Variants in SGK2 observed in about 807,000 individuals in gnomAD.
SGK2 encodes serine/threonine-protein kinase Sgk2.
In SGK2, 36 loss-of-function variants were observed where a neutral mutation model predicts 47.5. The observed-to-expected ratio is 0.76, with a 90% CI of 0.58 to 1.00. The LOEUF (loss-of-function observed/expected upper bound fraction) is 1.00. Ranked by LOEUF, SGK2 falls within the 50% of genes least tolerant of loss-of-function variation. The probability of loss-of-function intolerance (pLI) is 0.00; values close to 1 mark genes in which losing one functional copy is unlikely to be tolerated. For missense variants in SGK2, 404 were observed against 467.4 expected (o/e 0.86, Z 1.25); for synonymous variants, 157 against 181.9 (o/e 0.86, Z 1.10).
At position 43,568,030 on chromosome 20, in the gene SGK2, T is replaced by C. The variant is rs767117608; in HGVS notation, c.228+31T>C. 1.9e-6 allele frequency: 3 copies of C among 1,590,122 alleles called. No individual in the cohort carries two copies. The Admixed American group carries it at 5.0e-5, about 27-fold the overall frequency. ...AGAGCTCGGGCACAGGCATTTCTTC[T>C]TCTGCTTCTCAAGCCGCAGCCTAGG... On this transcript the variant is annotated intron_variant, in intron 5 of 12. Transcript: ENST00000373100.
In SGK2 at chr20:43,570,738, T is replaced by C; in HGVS notation, c.473+9T>C. ...CTCAACATCATTTACAGGTGAGGCC[T>C]GCCTGTGGCTCAGAGCCAGGACCAA... On this transcript the variant is annotated intron_variant, in intron 7 of 12. Coordinates refer to ENST00000373100, the MANE Select transcript of SGK2 (RefSeq NM_170693.3). 1.3e-6 allele frequency: 2 copies of C among 1,590,478 alleles called. No homozygotes were observed. The highest frequency in any genetic ancestry group is 1.1e-5 in the South Asian group (1 of 90,310).
Position 43,570,627 on chromosome 20 carries a change from A to C in SGK2, c.371A>C (p.His124Pro), listed in dbSNP as rs1600991607. The change falls in exon 7 of 13, where the codon CAC (histidine) becomes CCC (proline). Residue 124 changes from histidine (H) to proline (P), a missense_variant. Transcript: ENST00000373100. ...DYVNGGELFF[H>P]LQRERRFLEP... is the part of the protein sequence containing the mutation. ...CCTCCTCCCCTCCAGCTCTTCTTCC[A>C]CCTGCAGCGGGAGCGCCGGTTCCTG... is the stretch of plus-strand genomic sequence containing the variant. The C allele has an allele frequency of 6.2e-7, 1 of 1,606,460 alleles. No homozygotes were observed. The highest frequency in any genetic ancestry group is 8.5e-7 in the Non-Finnish European group (1 of 1,175,152).
At chr20:43,565,758 C>T (rs1335663354) in intron 1 of SGK2, 4 of 152,332 alleles carry the variant, frequency 2.6e-5, no homozygotes, top group Admixed American at 2.6e-4. Flanking sequence ...CCCCGTCTCC[C>T]CTGCAGGGTG....
chr20:43,577,347 CTTTT>C (rs924498448), intron 11 of SGK2, among the ~76,000 whole-genome samples: 9 of 122,118 alleles, frequency 7.4e-5, no homozygotes, highest in Non-Finnish European at 1.2e-4. Flanking sequence ...ACTGCATCTG[CTTTT>C]TTTTTTTTTT....
chr20:43,577,397 G>A (rs1372043550), intron 11 of SGK2, among the ~76,000 whole-genome samples: 1 of 149,074 alleles, frequency 6.7e-6, no homozygotes, highest in Non-Finnish European at 1.5e-5. Flanking sequence ...CTGTTGCCAG[G>A]CTGGAGTGCA....
At chr20:43,562,346 A>G (rs1053298189) in intron 1 of SGK2, among the ~76,000 whole-genome samples, 2 of 139,176 alleles carry the variant, frequency 1.4e-5, no homozygotes, top group Non-Finnish European at 3.1e-5. Flanking sequence ...TGAGCCAGGG[A>G]GGTAAAGATT....
intron 11 of SGK2, among the ~76,000 whole-genome samples, chr20:43,578,156 A>G (rs999400055): frequency 1.3e-5 from 2 of 152,190 alleles, no homozygotes; most frequent in African/African-American, 2.4e-5. Flanking sequence ...TTTTCTCACC[A>G]GGAGTTTGCT....
intron 1 of SGK2, 188 bp from the exon 2 acceptor site, chr20:43,566,285 G>C (rs1161738023): frequency 1.3e-6 from 2 of 1,523,452 alleles, no homozygotes; most frequent in Non-Finnish European, 1.8e-6. Flanking sequence ...AGGAAGTCTG[G>C]GTCCAGGGGA....
chr20:43,562,251 A>C (rs1212545633), intron 1 of SGK2, among the ~76,000 whole-genome samples: 2 of 148,010 alleles, frequency 1.4e-5, no homozygotes, highest in African/African-American at 2.5e-5. Flanking sequence ...CTGTCTCTAC[A>C]AAAAGTACAA....
At chr20:43,568,647 A>G (rs1306396250) in intron 5 of SGK2, among the ~76,000 whole-genome samples, 2 of 151,562 alleles carry the variant, frequency 1.3e-5, no homozygotes, top group East Asian at 1.9e-4. Flanking sequence ...ACTCCTGGCT[A>G]ATTTTTGTAT....
Position 43,566,462 on chromosome 20 carries a change from T to C in SGK2, c.-23-11T>C, listed in dbSNP as rs1979726339. 1.2e-6 allele frequency: 2 copies of C among 1,614,094 alleles called. No individual in the cohort carries two copies. Among genetic ancestry groups the C allele is most frequent in the Non-Finnish European group, 1.7e-6 (2 of 1,180,008 alleles). ...CAACTCTCTCATGCCTGCTCCTCCC[T>C]GTCCCCCCAGAGCTGCCTGATCATT... On this transcript the variant is annotated splice_polypyrimidine_tract_variant and intron_variant, in intron 1 of 12. Coordinates refer to ENST00000373100, the MANE Select transcript of SGK2 (RefSeq NM_170693.3).
At chr20:43,567,175 C>G in intron 3 of SGK2, 58 bp downstream of exon 3, 1 of 1,404,206 alleles carries the variant, frequency 7.1e-7, no homozygotes, top group Non-Finnish European at 1.0e-6. Flanking sequence ...CCTGGCTCCC[C>G]TTGCCTTGGG....
chr20:43,562,678 T>TG (rs1979464463), intron 1 of SGK2, among the ~76,000 whole-genome samples: 1 of 152,002 alleles, frequency 6.6e-6, no homozygotes, highest in African/African-American at 2.4e-5. Flanking sequence ...AAGCGGAGCT[T>TG]GCAGTTAGCC....
chr20:43,583,134 T>C, intron 12 of SGK2: 1 of 1,233,718 alleles, frequency 8.1e-7, no homozygotes, highest in Non-Finnish European at 1.1e-6. Flanking sequence ...ATTTCTCATT[T>C]GTTTAATTAC....
At chr20:43,571,208 G>A in intron 8 of SGK2, 148 bp downstream of exon 8, 1 of 1,266,188 alleles carries the variant, frequency 7.9e-7, no homozygotes, top group South Asian at 1.4e-5. Flanking sequence ...GCATATGTGT[G>A]TGTGCCCATG....
intron 10 of SGK2, 100 bp from the exon 11 acceptor site, chr20:43,576,124 C>T (rs953273558): frequency 7.0e-5 from 97 of 1,381,876 alleles, no homozygotes; most frequent in Non-Finnish European, 9.4e-5. Flanking sequence ...AGACAGGGGT[C>T]ATACTGAATC....
chr20:43,574,825 C>T (rs1980364877), intron 9 of SGK2, 84 bp from the exon 10 acceptor site: 2 of 938,132 alleles, frequency 2.1e-6, no homozygotes, highest in African/African-American at 1.6e-5. Context: ...AGCTCTTGGT[C>T]ATCTTCCTCC....
At chr20:43,568,905 A>C (rs907802494) in intron 5 of SGK2, among the ~76,000 whole-genome samples, 3 of 152,106 alleles carry the variant, frequency 2.0e-5, no homozygotes, top group African/African-American at 7.2e-5. Context: ...ATTAATGTTA[A>C]CAAGGTCTCC....
intron 1 of SGK2, among the ~76,000 whole-genome samples, chr20:43,562,422 A>G (rs1979445488): frequency 1.5e-5 from 2 of 137,326 alleles, no homozygotes; most frequent in Admixed American, 1.4e-4. Flanking sequence ...TGTCTCAAAA[A>G]AAAAAAAAAA....
Sources: gnomAD v4.1 joint callset for allele counts (sites outside exome capture counted in the v4.1 genomes callset) on GRCh38, gnomAD v4.1.1 for gene constraint, MANE v1.5 for transcripts, NCBI Gene and HGNC (gene_info 2026-07-23, HGNC 2026-07-21) for gene names.